The following SLC16A12 variants were observed in gnomAD, a reference collection of about 807,000 sequenced individuals.
The protein encoded by SLC16A12 is solute carrier family 16 member 12.
A neutral mutation model predicts 42.4 loss-of-function variants in SLC16A12; 17 were observed. The ratio of observed to expected loss-of-function variants is 0.40; its 90% CI spans 0.27 to 0.60. The LOEUF is 0.60. Among genes scored for constraint, SLC16A12 ranks in the 20% least tolerant of loss-of-function variants. The pLI, the probability that SLC16A12 is intolerant of heterozygous loss-of-function variation, is 0.42. For missense variants in SLC16A12, 544 were observed against 623.0 expected, an observed-to-expected ratio of 0.87 and a Z score of 1.35; for synonymous variants, 224 against 229.4, an observed-to-expected ratio of 0.98 and a Z score of 0.21.
At chr10:89,482,401 A>T (rs1019030542) in intron 2 of SLC16A12, among the ~76,000 whole-genome samples, 3 of 152,180 alleles carry the variant, frequency 2.0e-5, no homozygotes, top group Non-Finnish European at 4.4e-5. Context: ...TGGGTTTTAG[A>T]TCCATCAATA....
intron 2 of SLC16A12, among the ~76,000 whole-genome samples, chr10:89,470,479 G>A (rs897053207): frequency 1.3e-5 from 2 of 152,226 alleles, no homozygotes; most frequent in Admixed American, 1.3e-4. Flanking sequence ...GAGAAACAGA[G>A]TGCCCACTGA....
chr10:89,491,311 T>G (rs556747855), intron 2 of SLC16A12, among the ~76,000 whole-genome samples: 25 of 152,088 alleles, frequency 1.6e-4, no homozygotes, highest in Non-Finnish European at 3.1e-4. Context: ...AAAAGAGATA[T>G]ACTACATGCC....
upstream of SLC16A12, among the ~76,000 whole-genome samples, chr10:89,539,889 C>CTTTCTTTCTTTCTT (rs1843702734): frequency 1.4e-5 from 2 of 146,858 alleles, no homozygotes; most frequent in African/African-American, 5.3e-5. Flanking sequence ...TTCTTTCTTT[C>CTTTCTTTCTTTCTT]TTTCTTTCTT....
chr10:89,523,632 T>G (rs1180318324), intron 2 of SLC16A12, among the ~76,000 whole-genome samples: 1 of 150,364 alleles, frequency 6.7e-6, no homozygotes, highest in Non-Finnish European at 1.5e-5. Flanking sequence ...TTATATGTTG[T>G]GTCATCATTC....
intron 2 of SLC16A12, among the ~76,000 whole-genome samples, chr10:89,509,053 C>G (rs925087285): frequency 6.6e-6 from 1 of 151,990 alleles, no homozygotes; most frequent in Non-Finnish European, 1.5e-5. Context: ...AGGAAGAAGT[C>G]AAATCTCTAA....
intron 2 of SLC16A12, among the ~76,000 whole-genome samples, chr10:89,463,797 T>G (rs905003829): frequency 1.3e-5 from 2 of 152,222 alleles, no homozygotes; most frequent in African/African-American, 4.8e-5. Context: ...CCCTAACATG[T>G]GTCAGGCACC....
At chr10:89,503,705 A>G (rs1204280602) in intron 2 of SLC16A12, among the ~76,000 whole-genome samples, 3 of 152,220 alleles carry the variant, frequency 2.0e-5, no homozygotes, top group African/African-American at 4.8e-5. Flanking sequence ...CAAGTCCACA[A>G]TAAGACTGAG....
chr10:89,462,535 A>G lies in SLC16A12; in HGVS notation c.44T>C (p.Ile15Thr). The G allele has an allele frequency of 6.2e-7, 1 of 1,613,020 alleles. No individual in the cohort carries two copies. The highest frequency in any genetic ancestry group is 8.5e-7 in the Non-Finnish European group (1 of 1,179,796). The change falls in exon 3 of 8, where the codon ATA becomes ACA. Residue 15 changes from isoleucine to threonine, a missense_variant. Physicochemically the swap from Ile to Thr is moderately conservative, Grantham distance 89. Coordinates refer to ENST00000371790, the MANE Select transcript of SLC16A12 (RefSeq NM_213606.4). Reference protein sequence around the residue: ...SHWTANSSKIITWLLEQPGKE... With the variant: ...SHWTANSSKITTWLLEQPGKE... ...TCCAGGTTGCTCCAACAGCCAAGTTATGATCTTGGAAGAGTTTGCTGTCCA... is the reference window on the plus strand; with the variant it reads ...TCCAGGTTGCTCCAACAGCCAAGTTGTGATCTTGGAAGAGTTTGCTGTCCA...
intron 2 of SLC16A12, among the ~76,000 whole-genome samples, chr10:89,524,505 G>A (rs1445848988): frequency 1.3e-5 from 2 of 152,150 alleles, no homozygotes; most frequent in African/African-American, 2.4e-5. Context: ...TTTTGCACCT[G>A]TTGCTCCTAC....
At chr10:89,545,105 G>A (rs1268047738) in intron 2 of SLC16A12, among the ~76,000 whole-genome samples, 2 of 152,098 alleles carry the variant, frequency 1.3e-5, no homozygotes, top group Non-Finnish European at 2.9e-5. Flanking sequence ...GACATTTGGG[G>A]CCAACCTGAG....
rs752086358 is a variant in SLC16A12 at position 89,462,503 on chromosome 10, CT to C, written c.75del (p.Glu26LysfsTer9). The C allele has an allele frequency of 1.9e-6, 3 of 1,613,792 alleles. No homozygotes were observed. The Admixed American group carries it at 5.0e-5, about 27-fold the overall frequency. ...ITWLLEQPGK[E>X]EKRKTMAKVN... ...ACTTTTGCCATGGTTTTTCTTTTTT[CT>C]TCTTTTCCAGGTTGCTCCAACAGCC... is the stretch of plus-strand genomic sequence containing the variant. On this transcript the variant is annotated frameshift_variant, in exon 3 of 8. Transcript: ENST00000371790. LOFTEE classifies it high-confidence loss of function.
chr10:89,436,866 G>GAAA (rs201137521), intron 6 of SLC16A12, among the ~76,000 whole-genome samples: 12,496 of 71,526 alleles, frequency 0.17, 795 homozygotes, highest in Non-Finnish European at 0.24. Flanking sequence ...AAGAAATAAA[G>GAAA]AAAAAGAAAG....
chr10:89,523,643 C>CTTCA (rs71471130), intron 2 of SLC16A12, among the ~76,000 whole-genome samples: 23,122 of 151,864 alleles, frequency 0.15, 1,964 homozygotes, highest in African/African-American at 0.24. Flanking sequence ...GTCATCATTC[C>CTTCA]TTCATTCATT....
intron 3 of SLC16A12, among the ~76,000 whole-genome samples, chr10:89,459,544 G>A (rs1589676641): frequency 6.7e-6 from 1 of 149,422 alleles, no homozygotes; most frequent in South Asian, 2.1e-4. Context: ...GTGTATGTGT[G>A]TGTGTGTTTC....
rs1213876537 is a variant in SLC16A12, at chr10:89,436,372, A to G, written c.1029-53T>C. The G allele has an allele frequency of 3.1e-6, 5 of 1,606,546 alleles. No homozygotes were observed. The East Asian group carries it at 1.1e-4, about 36-fold the overall frequency. ...GCAGGAGGTACACATTCTGTAAAAG[A>G]GCTTTAGAGCCACGGCTATGCAGCA... On this transcript the variant is annotated intron_variant, in intron 6 of 7. Transcript: ENST00000371790.
At chr10:89,498,114 C>T (rs1842948434) in intron 2 of SLC16A12, among the ~76,000 whole-genome samples, 1 of 152,000 alleles carries the variant, frequency 6.6e-6, no homozygotes, top group Admixed American at 6.6e-5. Flanking sequence ...CTAGCCTGGG[C>T]AACATGGCGA....
At chr10:89,441,407 A>C (rs1181433361) in intron 4 of SLC16A12, among the ~76,000 whole-genome samples, 156 bp from the exon 5 acceptor site, 4 of 152,178 alleles carry the variant, frequency 2.6e-5, no homozygotes, top group Admixed American at 2.6e-4. Context: ...AAAGGAAGTG[A>C]TTGTCCATGG....
intron 2 of SLC16A12, among the ~76,000 whole-genome samples, chr10:89,482,526 A>T (rs916966769): frequency 5.9e-5 from 9 of 152,190 alleles, no homozygotes; most frequent in African/African-American, 1.9e-4. Context: ...CACGCCTATA[A>T]TCCCAGCACT....
rs891038638 is a variant in SLC16A12 at position 89,534,565 on chromosome 10, T to C, written c.-111A>G. On this transcript the variant is annotated 5_prime_UTR_variant, in exon 2 of 8. Transcript: ENST00000371790. ...GCTCACGCCTGTAATCCCATCACTT[T>C]GGGAGGCTAAAGCGGGCAGATCGCT... 2.1e-5 allele frequency: 3 copies of C among 143,198 alleles called. No homozygotes were observed. The highest frequency in any genetic ancestry group is 8.1e-5 in the African/African-American group (3 of 37,174). The allele number at this position is 143,198 out of a possible 1,614,324, so 8.9% of individuals were successfully genotyped here.
Sources: gnomAD v4.1 joint callset for allele counts (sites outside exome capture counted in the v4.1 genomes callset) on GRCh38, gnomAD v4.1.1 for gene constraint, MANE v1.5 for transcripts, NCBI Gene and HGNC (gene_info 2026-07-23, HGNC 2026-07-21) for gene names.